The following ZBTB7C variants were observed in gnomAD, a reference collection of about 807,000 sequenced individuals.
The protein encoded by ZBTB7C is zinc finger and BTB domain-containing protein 7C.
Under a neutral mutation model 25.7 loss-of-function variants are expected in ZBTB7C, and 8 were observed. That is an observed-to-expected ratio of 0.31 (90% CI 0.18 to 0.56). ZBTB7C has a LOEUF of 0.56. Among genes scored for constraint, ZBTB7C ranks in the 20% least tolerant of loss-of-function variants. The pLI is 0.91. For missense variants in ZBTB7C, 824 were observed against 855.2 expected (o/e 0.96, Z 0.46); for synonymous variants, 394 against 369.0 (o/e 1.07, Z -0.78).
chr18:48,044,253 T>C (rs2036378525), intron 3 of ZBTB7C, among the ~76,000 whole-genome samples: 1 of 152,268 alleles, frequency 6.6e-6, no homozygotes, highest in Non-Finnish European at 1.5e-5. Context: ...TCCATCTCTC[T>C]GACCAGGGAA....
intron 2 of ZBTB7C, among the ~76,000 whole-genome samples, chr18:48,273,977 C>T (rs1347085658): frequency 1.3e-5 from 2 of 151,990 alleles, no homozygotes. Flanking sequence ...TATTGCTATC[C>T]AACTGAGAAA....
chr18:48,090,997 TAAAAAGGAAAAGAAA>T (rs2038389691), intron 3 of ZBTB7C, among the ~76,000 whole-genome samples: 1 of 151,496 alleles, frequency 6.6e-6, no homozygotes, highest in Non-Finnish European at 1.5e-5. Flanking sequence ...GTAGCCATGA[TAAAAAGGAAAAGAAA>T]AAAAAGGGAA....
chr18:48,280,461 C>G (rs1435130124), intron 2 of ZBTB7C, among the ~76,000 whole-genome samples: 3 of 152,254 alleles, frequency 2.0e-5, no homozygotes, highest in African/African-American at 2.4e-5. Context: ...ACAGAATAAA[C>G]TCCCCAACAT....
intron 2 of ZBTB7C, among the ~76,000 whole-genome samples, chr18:48,266,958 C>T (rs1476979670): frequency 6.6e-6 from 1 of 152,128 alleles, no homozygotes; most frequent in Non-Finnish European, 1.5e-5. Context: ...GTAGGCTCCA[C>T]CCCATTCCTT....
intron 1 of ZBTB7C, among the ~76,000 whole-genome samples, chr18:48,404,747 G>A (rs565725634): frequency 1.3e-5 from 2 of 152,218 alleles, no homozygotes; most frequent in East Asian, 1.9e-4. Context: ...CATGGAGTAC[G>A]GCAAATAAGA....
chr18:48,078,861 T>G (rs555127611), intron 3 of ZBTB7C, among the ~76,000 whole-genome samples: 36 of 152,360 alleles, frequency 2.4e-4, no homozygotes, highest in African/African-American at 8.2e-4. Context: ...ACATCCATGT[T>G]GTAGCATGTA....
chr18:48,103,330 C>T (rs1487827592), intron 3 of ZBTB7C, among the ~76,000 whole-genome samples: 2 of 151,850 alleles, frequency 1.3e-5, no homozygotes, highest in Non-Finnish European at 2.9e-5. Context: ...AAAAGTATCA[C>T]GGATTGTTCA....
At chr18:48,281,820 G>A (rs1254992615) in intron 2 of ZBTB7C, among the ~76,000 whole-genome samples, 1 of 149,900 alleles carries the variant, frequency 6.7e-6, no homozygotes, top group Non-Finnish European at 1.5e-5. Flanking sequence ...AACAGGTGCT[G>A]GAGAGGATGT....
chr18:48,321,797 C>G (rs541858883), intron 2 of ZBTB7C, among the ~76,000 whole-genome samples: 1 of 152,164 alleles, frequency 6.6e-6, no homozygotes, highest in Non-Finnish European at 1.5e-5. Flanking sequence ...GGCTGCGTGC[C>G]GATCCGCCCC....
chr18:48,228,452 C>T (rs547917097), intron 2 of ZBTB7C, among the ~76,000 whole-genome samples: 7 of 152,266 alleles, frequency 4.6e-5, no homozygotes, highest in African/African-American at 1.4e-4. Context: ...CACTGCTGGC[C>T]TTGCTGCGGA....
chr18:48,374,554 T>C (rs2047469800), intron 1 of ZBTB7C, among the ~76,000 whole-genome samples: 1 of 152,232 alleles, frequency 6.6e-6, no homozygotes, highest in Non-Finnish European at 1.5e-5. Flanking sequence ...TCTGCCATTC[T>C]CCCTGCTTTT....
intron 3 of ZBTB7C, among the ~76,000 whole-genome samples, chr18:48,054,713 T>C (rs1426969408): frequency 6.6e-6 from 1 of 152,176 alleles, no homozygotes; most frequent in African/African-American, 2.4e-5. Context: ...AAGCTTGCAA[T>C]TTCCAGGCTT....
At chr18:48,098,943 CAAAG>C (rs1389036946) in intron 3 of ZBTB7C, among the ~76,000 whole-genome samples, 4 of 152,170 alleles carry the variant, frequency 2.6e-5, no homozygotes, top group Non-Finnish European at 5.9e-5. Context: ...AGCCAGGAGA[CAAAG>C]AAACCTGAGT....
At chr18:48,290,918 A>C (rs1027424423) in intron 2 of ZBTB7C, among the ~76,000 whole-genome samples, 5 of 152,236 alleles carry the variant, frequency 3.3e-5, no homozygotes, top group Non-Finnish European at 7.3e-5. Context: ...CAATATATGA[A>C]GTAGTAATCT....
chr18:48,257,898 G>T (rs1278847851), intron 2 of ZBTB7C, among the ~76,000 whole-genome samples: 3 of 152,072 alleles, frequency 2.0e-5, no homozygotes, highest in Non-Finnish European at 4.4e-5. Context: ...GCTGGGCATG[G>T]TAGCTTGCAC....
chr18:48,385,632 T>G (rs2047730104), intron 1 of ZBTB7C, among the ~76,000 whole-genome samples: 2 of 151,936 alleles, frequency 1.3e-5, no homozygotes, highest in African/African-American at 2.4e-5. Context: ...CCATTCAGAG[T>G]GTAAGGTAGC....
At chr18:48,411,370 A>G (rs541171917), upstream of ZBTB7C, among the ~76,000 whole-genome samples, 14 of 152,356 alleles carry the variant, frequency 9.2e-5, no homozygotes, top group East Asian at 2.5e-3. Flanking sequence ...TCAGGATGTC[A>G]GATTTCCAAG....
At chr18:48,288,319 G>T (rs1446759782) in intron 2 of ZBTB7C, among the ~76,000 whole-genome samples, 2 of 152,164 alleles carry the variant, frequency 1.3e-5, no homozygotes, top group Non-Finnish European at 2.9e-5. Context: ...GGTCATGGAG[G>T]CACAACCTTC....
chr18:48,170,534 C>G (rs1337069670), intron 3 of ZBTB7C, among the ~76,000 whole-genome samples: 1 of 152,182 alleles, frequency 6.6e-6, no homozygotes, highest in Non-Finnish European at 1.5e-5. Flanking sequence ...GGGGCAGCCT[C>G]AGGGATGAGC....
Sources: gnomAD v4.1 joint callset for allele counts (sites outside exome capture counted in the v4.1 genomes callset) on GRCh38, gnomAD v4.1.1 for gene constraint, MANE v1.5 for transcripts, NCBI Gene and HGNC (gene_info 2026-07-23, HGNC 2026-07-21) for gene names.